The following GIPC2 variants were observed in gnomAD, a reference collection of about 807,000 sequenced individuals.
GIPC2 encodes PDZ domain-containing protein GIPC2.
In GIPC2, 30 loss-of-function variants were observed where a neutral mutation model predicts 30.6. That is an observed-to-expected ratio of 0.98 (90% CI 0.73 to 1.33). The LOEUF is 1.33. Ranked by LOEUF, GIPC2 falls within the 40% of genes most tolerant of loss-of-function variation. The pLI is 0.00. For synonymous variants in GIPC2, 167 were observed against 150.0 expected (o/e 1.11, Z -0.83); for missense variants, 414 against 390.3 (o/e 1.06, Z -0.51).
At chr1:78,128,091 C>A (rs1662816424) in intron 5 of GIPC2, among the ~76,000 whole-genome samples, 1 of 152,172 alleles carries the variant, frequency 6.6e-6, no homozygotes, top group African/African-American at 2.4e-5. Context: ...GAGAAAAATA[C>A]AAAATTTTCG....
intron 5 of GIPC2, among the ~76,000 whole-genome samples, chr1:78,126,752 A>C (rs972641743): frequency 1.3e-5 from 2 of 152,084 alleles, no homozygotes; most frequent in Non-Finnish European, 2.9e-5. Flanking sequence ...AATGACTGCT[A>C]TTGCTCCACC....
At chr1:78,100,722 G>A (rs902368888) in intron 3 of GIPC2, among the ~76,000 whole-genome samples, 6 of 152,040 alleles carry the variant, frequency 3.9e-5, no homozygotes, top group African/African-American at 1.4e-4. Context: ...TTGAGGTCGG[G>A]AGTTTGAGAC....
intron 2 of GIPC2, among the ~76,000 whole-genome samples, chr1:78,090,270 C>T (rs556955121): frequency 3.3e-5 from 5 of 152,302 alleles, no homozygotes; most frequent in African/African-American, 1.2e-4. Context: ...TCTTGGCTCA[C>T]TGCAACCTCT....
chr1:78,082,639 ATGC>A (rs2100350287), intron 2 of GIPC2, among the ~76,000 whole-genome samples: 1 of 152,324 alleles, frequency 6.6e-6, no homozygotes, highest in South Asian at 2.1e-4. Flanking sequence ...TTTTTAAAAA[ATGC>A]TTTGTCAAAC....
intron 4 of GIPC2, among the ~76,000 whole-genome samples, chr1:78,120,163 C>A (rs75430101): frequency 0.028 from 4,226 of 152,324 alleles, 142 homozygotes; most frequent in African/African-American, 0.081. Flanking sequence ...CAGTGGCTTC[C>A]CATGACACTC....
chr1:78,060,578 A>G (rs1013195433), intron 1 of GIPC2, among the ~76,000 whole-genome samples: 1 of 152,244 alleles, frequency 6.6e-6, no homozygotes, highest in Non-Finnish European at 1.5e-5. Flanking sequence ...TGCCAAAGGA[A>G]AGTGATCTCT....
intron 5 of GIPC2, among the ~76,000 whole-genome samples, chr1:78,130,138 C>G (rs561366792): frequency 1.4e-4 from 20 of 141,994 alleles, no homozygotes; most frequent in Admixed American, 6.4e-4. Flanking sequence ...GAGTCTTGCT[C>G]TGTCACCCAG....
At chr1:78,045,935 G>C, upstream of GIPC2, 1 of 1,357,292 alleles carries the variant, frequency 7.4e-7, no homozygotes, top group Non-Finnish European at 9.4e-7. Flanking sequence ...CGGTCCAGGG[G>C]TGGAGGTCGG....
At chr1:78,117,255 G>A (rs1017687491) in intron 3 of GIPC2, among the ~76,000 whole-genome samples, 2 of 152,230 alleles carry the variant, frequency 1.3e-5, no homozygotes, top group Non-Finnish European at 2.9e-5. Flanking sequence ...TCATGTCTGT[G>A]TCATGAGAGC....
In GIPC2 at chr1:78,046,175, G is replaced by A. The variant is rs368988176; in HGVS notation, c.81G>A (p.Ala27=). The A allele has an allele frequency of 2.1e-5, 33 of 1,565,164 alleles. No homozygotes were observed. In the South Asian group the frequency reaches 3.0e-4, roughly 14 times the overall value. Residue 27 remains alanine, a synonymous_variant, in exon 1 of 6, where the codon GCG becomes GCA. Transcript: ENST00000370759. ...TGGTGGAGGGCGAGCCGACGGGCGC[G>A]GGCGGCGGGAGCCTCTCAGCGTCCC... ...AGLVEGEPTG[A]GGGSLSASRA...
At chr1:78,046,835 GA>G (rs1424235389) in intron 1 of GIPC2, among the ~76,000 whole-genome samples, 4 of 142,312 alleles carry the variant, frequency 2.8e-5, no homozygotes, top group Non-Finnish European at 6.2e-5. Context: ...AAGTGGGGGG[GA>G]AAACATTGAA....
intron 3 of GIPC2, among the ~76,000 whole-genome samples, chr1:78,101,209 A>G (rs1662244104): frequency 6.6e-6 from 1 of 152,150 alleles, no homozygotes; most frequent in African/African-American, 2.4e-5. Flanking sequence ...CCTTCTGGGT[A>G]GCCTTTATCC....
chr1:78,080,070 C>A (rs1394297670), intron 1 of GIPC2, among the ~76,000 whole-genome samples: 1 of 151,876 alleles, frequency 6.6e-6, no homozygotes, highest in Non-Finnish European at 1.5e-5. Context: ...GATTTTAACA[C>A]CTCATTCACT....
intron 4 of GIPC2, among the ~76,000 whole-genome samples, chr1:78,123,427 G>A (rs946740959): frequency 1.3e-5 from 2 of 152,010 alleles, no homozygotes; most frequent in Admixed American, 6.6e-5. Context: ...GTACTGGTTA[G>A]GTAGGGGTGA....
intron 3 of GIPC2, among the ~76,000 whole-genome samples, chr1:78,110,503 T>A (rs1002351502): frequency 6.6e-6 from 1 of 152,234 alleles, no homozygotes; most frequent in African/African-American, 2.4e-5. Flanking sequence ...GAGAGAATTG[T>A]CCTTAATGCC....
At chr1:78,124,339 C>T (rs775116356) in intron 4 of GIPC2, among the ~76,000 whole-genome samples, 12 of 152,096 alleles carry the variant, frequency 7.9e-5, no homozygotes, top group Non-Finnish European at 1.5e-4. Flanking sequence ...TCATCTCATT[C>T]TTATAAAATT....
At chr1:78,093,671 A>T (rs987680248) in intron 2 of GIPC2, among the ~76,000 whole-genome samples, 2 of 152,226 alleles carry the variant, frequency 1.3e-5, no homozygotes, top group African/African-American at 4.8e-5. Flanking sequence ...ACAATGATCA[A>T]TCACCCTGCT....
chr1:78,095,165 A>G (rs1352629551), intron 3 of GIPC2, 33 bp downstream of exon 3: 2 of 1,482,722 alleles, frequency 1.3e-6, no homozygotes, highest in Non-Finnish European at 1.9e-6. Context: ...GGTGTGTGAA[A>G]TGTTTGCTTT....
At chr1:78,058,095 A>G (rs1661329580) in intron 1 of GIPC2, among the ~76,000 whole-genome samples, 1 of 152,114 alleles carries the variant, frequency 6.6e-6, no homozygotes. Flanking sequence ...TGTGCCATAT[A>G]CTCTTAAACC....
Sources: allele counts gnomAD v4.1 joint callset (sites outside exome capture counted in the v4.1 genomes callset), GRCh38; gene constraint gnomAD v4.1.1; transcripts MANE v1.5; gene names NCBI Gene and HGNC (gene_info 2026-07-23, HGNC 2026-07-21).